Variants in CNTN4 observed in about 807,000 individuals in gnomAD.
CNTN4 encodes contactin 4, also known as contactin-4.
Under a neutral mutation model 122.5 loss-of-function variants are expected in CNTN4, and 77 were observed. The ratio of observed to expected loss-of-function variants is 0.63; its 90% CI spans 0.52 to 0.76. CNTN4 has a LOEUF of 0.76. CNTN4 is among the 30% of genes least tolerant of loss of function. The pLI is 0.00. For missense variants in CNTN4, 1,256 were observed against 1,259.1 expected (o/e 1.00, Z 0.04); for synonymous variants, 512 against 447.0 (o/e 1.15, Z -1.83).
intron 2 of CNTN4, chr3:2,262,307 C>T (rs1349216456): frequency 3.3e-5 from 5 of 152,100 alleles, no homozygotes; most frequent in African/African-American, 1.2e-4. Flanking sequence ...AGCATTTCTT[C>T]CTTTCTTTAT....
chr3:3,040,113 G>A lies in CNTN4; in HGVS notation c.2240G>A (p.Trp747Ter). The stretch of plus-strand genomic sequence containing the variant: ...TTCCGGCCCTACGGTAAAATGATCT[G>A]GATGCTGACAGTGCTGGCCTCAGCT... ...VAFRPYGKMI[W>*]MLTVLASADA... The change falls in exon 20 of 25, where the codon TGG (tryptophan) becomes TAG (stop). Residue 747 changes from tryptophan (W) to a stop codon, truncating the protein, a stop_gained. Coordinates refer to ENST00000418658, the MANE Select transcript of CNTN4 (RefSeq NM_175607.3). LOFTEE classifies it high-confidence loss of function. The A allele has an allele frequency of 6.2e-7, 1 of 1,614,188 alleles. No homozygotes were observed. Among genetic ancestry groups the A allele is most frequent in the Non-Finnish European group, 8.5e-7 (1 of 1,179,994 alleles).
chr3:2,482,159 C>T lies in CNTN4; in HGVS notation c.-88-89257C>T, dbSNP rs1019277215. Among the ~76,000 whole-genome samples, 11 of 152,148 alleles carry T rather than the reference C, an allele frequency of 7.2e-5. 1 individual carries two copies. Among genetic ancestry groups the T allele is most frequent in the African/African-American group, 2.6e-4 (11 of 41,514 alleles). On this transcript the variant is annotated intron_variant, in intron 3 of 24. Coordinates refer to ENST00000418658, the MANE Select transcript of CNTN4 (RefSeq NM_175607.3). ...CTAGAGACTTGTTGAATGGTTTTGA[C>T]CAAAATGCTGATAGTGATATGGACA...
chr3:2,481,508 A>G (rs2076005816), intron 3 of CNTN4, among the ~76,000 whole-genome samples: 1 of 152,162 alleles, frequency 6.6e-6, no homozygotes, highest in Non-Finnish European at 1.5e-5. Flanking sequence ...AAACAAATCA[A>G]AAAAAGAATC....
intron 18 of CNTN4, chr3:3,037,609 G>A: frequency 2.3e-6 from 1 of 441,030 alleles, no homozygotes; most frequent in Non-Finnish European, 4.2e-6. Context: ...TGGTTCATTT[G>A]TCACCAAGAT....
intron 14 of CNTN4, among the ~76,000 whole-genome samples, chr3:3,015,455 G>T (rs1301100956): frequency 6.6e-6 from 1 of 152,148 alleles, no homozygotes; most frequent in Non-Finnish European, 1.5e-5. Flanking sequence ...TGTCTACCAA[G>T]ATATTAATAC....
At chr3:2,999,234 A>G (rs552499277) in intron 14 of CNTN4, 1 of 152,336 alleles carries the variant, frequency 6.6e-6, no homozygotes, top group South Asian at 2.1e-4. Flanking sequence ...AATAAGGACT[A>G]GCCTGGTTTC....
chr3:3,023,342 T>G (rs1489901741), intron 14 of CNTN4, among the ~76,000 whole-genome samples: 1 of 152,196 alleles, frequency 6.6e-6, no homozygotes, highest in Non-Finnish European at 1.5e-5. Flanking sequence ...AATCAGCAGC[T>G]GTCAGCACAA....
intron 6 of CNTN4, among the ~76,000 whole-genome samples, chr3:2,816,428 G>T (rs1224177157): frequency 6.6e-6 from 1 of 151,712 alleles, no homozygotes; most frequent in Non-Finnish European, 1.5e-5. Context: ...GACTTAGGGG[G>T]AAGAGTGGGA....
chr3:2,287,702 AGAAGAAGAG>A (rs1358215476), intron 2 of CNTN4, among the ~76,000 whole-genome samples: 629 of 61,208 alleles, frequency 0.01, 8 homozygotes, highest in Admixed American at 0.016. Context: ...AGGAAGAAGA[AGAAGAAGAG>A]GAAGAAGAAG....
chr3:2,209,353 C>G (rs532058023), intron 2 of CNTN4, among the ~76,000 whole-genome samples: 2 of 152,270 alleles, frequency 1.3e-5, no homozygotes, highest in East Asian at 3.9e-4. Flanking sequence ...CATCTAACTG[C>G]TAAGGAGCTT....
At chr3:2,788,454 A>G (rs7623873) in intron 6 of CNTN4, among the ~76,000 whole-genome samples, 86,955 of 152,062 alleles carry the variant, frequency 0.57, 24,840 homozygotes, top group East Asian at 0.63. Context: ...ATATGACACA[A>G]CTGCCCATTC....
At position 2,809,880 on chromosome 3, in the gene CNTN4, A is replaced by G. The variant is rs188443950; in HGVS notation, c.359-9606A>G. On this transcript the variant is annotated intron_variant, in intron 6 of 24. Coordinates refer to ENST00000418658, the MANE Select transcript of CNTN4 (RefSeq NM_175607.3). ...TCTTAAATAGCACAAAGGTCTAGAT[A>G]AAATAGAGTATGTCAAAGAAATGAG... 3.1e-3 allele frequency among the ~76,000 whole-genome samples: 470 copies of G among 152,344 alleles called. 1 individual carries two copies. Among genetic ancestry groups the G allele is most frequent in the South Asian group, 0.019 (92 of 4,830 alleles).
intron 2 of CNTN4, among the ~76,000 whole-genome samples, chr3:2,239,935 C>T (rs1220548551): frequency 1.3e-5 from 2 of 152,314 alleles, no homozygotes; most frequent in South Asian, 2.1e-4. Flanking sequence ...GAAAGAATCC[C>T]TCATAACCAT....
intron 3 of CNTN4, among the ~76,000 whole-genome samples, chr3:2,499,644 G>A (rs1290082203): frequency 1.3e-5 from 2 of 151,948 alleles, no homozygotes; most frequent in African/African-American, 2.4e-5. Context: ...GTAGCTATAT[G>A]TTTAAGCCTT....
At chr3:2,114,729 G>T (rs2033221549) in intron 2 of CNTN4, among the ~76,000 whole-genome samples, 1 of 152,152 alleles carries the variant, frequency 6.6e-6, no homozygotes, top group Non-Finnish European at 1.5e-5. Context: ...ACAAATTGGG[G>T]AATATGAGGG....
chr3:2,817,668 T>G (rs56802235), intron 6 of CNTN4, among the ~76,000 whole-genome samples: 13,227 of 152,154 alleles, frequency 0.087, 1,905 homozygotes, highest in African/African-American at 0.3. Flanking sequence ...TGGTTTTACC[T>G]AGATGATACG....
intron 2 of CNTN4, among the ~76,000 whole-genome samples, chr3:2,312,942 A>G (rs1281764885): frequency 6.6e-6 from 1 of 152,080 alleles, no homozygotes; most frequent in Non-Finnish European, 1.5e-5. Flanking sequence ...AAATAAAAAC[A>G]CTGTGTGAAA....
chr3:2,760,575 G>A (rs1231229822), intron 6 of CNTN4, among the ~76,000 whole-genome samples: 1 of 152,124 alleles, frequency 6.6e-6, no homozygotes, highest in African/African-American at 2.4e-5. Context: ...ACCACACTGT[G>A]TTGACTGCTG....
At chr3:2,654,367 T>G (rs528600219) in intron 4 of CNTN4, among the ~76,000 whole-genome samples, 7 of 152,344 alleles carry the variant, frequency 4.6e-5, no homozygotes, top group Admixed American at 2.0e-4. Flanking sequence ...TGTTATCATT[T>G]TAATTATTGT....
Sources: gnomAD v4.1 joint callset for allele counts (sites outside exome capture counted in the v4.1 genomes callset) on GRCh38, gnomAD v4.1.1 for gene constraint, MANE v1.5 for transcripts, NCBI Gene and HGNC (gene_info 2026-07-23, HGNC 2026-07-21) for gene names.